Variants in SUFU observed in about 807,000 individuals in gnomAD.
The protein encoded by SUFU is suppressor of fused homolog.
A neutral mutation model predicts 58.9 loss-of-function variants in SUFU; 7 were observed. That is an observed-to-expected ratio of 0.12 (90% CI 0.07 to 0.22). The LOEUF (loss-of-function observed/expected upper bound fraction) is 0.22, where lower values mean the gene tolerates loss of function less well. SUFU is among the 10% of genes least tolerant of loss of function. The probability of loss-of-function intolerance (pLI) is 1.00; values close to 1 mark genes in which losing one functional copy is unlikely to be tolerated. For synonymous variants in SUFU, 232 were observed against 254.8 expected, an observed-to-expected ratio of 0.91 and a Z score of 0.85; for missense variants, 451 against 641.3, an observed-to-expected ratio of 0.70 and a Z score of 3.20.
At chr10:102,510,787 T>C (rs1380678164) in intron 2 of SUFU, among the ~76,000 whole-genome samples, 1 of 151,938 alleles carries the variant, frequency 6.6e-6, no homozygotes, top group Non-Finnish European at 1.5e-5. Context: ...CGTGCCACTG[T>C]GCTCCAGCCT....
At chr10:102,522,433 G>A (rs1041729912) in intron 2 of SUFU, among the ~76,000 whole-genome samples, 2 of 152,086 alleles carry the variant, frequency 1.3e-5, no homozygotes, top group African/African-American at 4.8e-5. Context: ...AATACCACAC[G>A]CCTCCTCCTT....
chr10:102,516,125 C>CTTTTTTTTTTTTTTTT (rs60544094), intron 2 of SUFU, among the ~76,000 whole-genome samples: 44 of 125,524 alleles, frequency 3.5e-4, no homozygotes, highest in East Asian at 6.7e-4. Flanking sequence ...TCTTTCTTTT[C>CTTTTTTTTTTTTTTTT]TTTTTTTTTT....
Position 102,514,560 on chromosome 10 carries a change from A to G in SUFU, c.317+5257A>G, listed in dbSNP as rs777103409. On this transcript the variant is annotated intron_variant, in intron 2 of 11. Transcript: ENST00000369902. ...ACAGGAGAGAACAGAGTGCTTTTCT[A>G]GGAACCCCAAGGCTGCTCCCAACTG... 2.0e-5 allele frequency among the ~76,000 whole-genome samples: 3 copies of G among 152,196 alleles called. No individual in the cohort carries two copies. The East Asian group carries it at 5.8e-4, about 29-fold the overall frequency.
intron 4 of SUFU, among the ~76,000 whole-genome samples, chr10:102,593,061 T>C (rs906436054): frequency 6.6e-6 from 1 of 152,212 alleles, no homozygotes; most frequent in Non-Finnish European, 1.5e-5. Flanking sequence ...CCTTGCTCTT[T>C]GCCAGAAGCT....
intron 8 of SUFU, among the ~76,000 whole-genome samples, chr10:102,603,804 C>CCAAATTCCCTCTAA: frequency 6.6e-6 from 1 of 152,312 alleles, no homozygotes; most frequent in South Asian, 2.1e-4. Flanking sequence ...ATTGGGGTGA[C>CCAAATTCCCTCTAA]TTTGCTCCCT....
intron 8 of SUFU, among the ~76,000 whole-genome samples, chr10:102,609,812 G>A (rs943868289): frequency 6.6e-6 from 1 of 152,180 alleles, no homozygotes; most frequent in Non-Finnish European, 1.5e-5. Flanking sequence ...GAATGGGAGA[G>A]AGGTGTTGGC....
At chr10:102,593,825 C>T in intron 5 of SUFU, 104 bp downstream of exon 5, 3 of 1,411,358 alleles carry the variant, frequency 2.1e-6, no homozygotes, top group Non-Finnish European at 3.0e-6. Context: ...TATTTCAGAC[C>T]CTGGTTTTTC....
At chr10:102,615,147 A>G in intron 8 of SUFU, 121 bp from the exon 9 acceptor site, 11 of 1,441,678 alleles carry the variant, frequency 7.6e-6, no homozygotes, top group East Asian at 2.3e-5. Context: ...GGCTGTCACC[A>G]TCATTATCAT....
intron 3 of SUFU, among the ~76,000 whole-genome samples, chr10:102,550,364 G>C (rs181021715): frequency 6.6e-6 from 1 of 152,148 alleles, no homozygotes; most frequent in Admixed American, 6.5e-5. Flanking sequence ...CACCCTTGTC[G>C]TGTTTCATGG....
intron 2 of SUFU, among the ~76,000 whole-genome samples, chr10:102,516,460 C>T (rs2062471821): frequency 1.3e-5 from 2 of 152,172 alleles, no homozygotes; most frequent in Admixed American, 1.3e-4. Flanking sequence ...TGGATTGTTT[C>T]TTCCTTCATG....
intron 2 of SUFU, among the ~76,000 whole-genome samples, chr10:102,519,268 T>C (rs1039931478): frequency 3.3e-5 from 5 of 151,778 alleles, no homozygotes; most frequent in African/African-American, 1.2e-4. Flanking sequence ...CTCACTCGTG[T>C]AATCCCAGCA....
chr10:102,543,906 T>G (rs538573078), intron 2 of SUFU, among the ~76,000 whole-genome samples: 32 of 152,316 alleles, frequency 2.1e-4, no homozygotes, highest in Non-Finnish European at 4.4e-4. Context: ...TTAAATAGCT[T>G]GCCTCTGGTC....
intron 8 of SUFU, among the ~76,000 whole-genome samples, chr10:102,614,139 T>C (rs1426012577): frequency 2.0e-5 from 3 of 152,214 alleles, no homozygotes; most frequent in African/African-American, 7.2e-5. Flanking sequence ...ACAGAAACTC[T>C]TGGAGCCGCA....
chr10:102,588,634 C>T (rs2063361473), intron 3 of SUFU, among the ~76,000 whole-genome samples: 1 of 152,112 alleles, frequency 6.6e-6, no homozygotes, highest in African/African-American at 2.4e-5. Context: ...AGTTTTGAAT[C>T]CGTTTGTGAA....
intron 2 of SUFU, among the ~76,000 whole-genome samples, chr10:102,541,455 G>A (rs2062798199): frequency 1.3e-5 from 2 of 149,758 alleles, no homozygotes; most frequent in Admixed American, 6.7e-5. Context: ...CTGGAGTGCA[G>A]TGGTGCGATC....
At chr10:102,543,920 C>T (rs1343662722) in intron 2 of SUFU, among the ~76,000 whole-genome samples, 2 of 152,160 alleles carry the variant, frequency 1.3e-5, no homozygotes, top group African/African-American at 4.8e-5. Flanking sequence ...TCTGGTCACA[C>T]AGCCATAAGA....
intron 3 of SUFU, chr10:102,573,010 T>C: frequency 8.3e-7 from 1 of 1,205,152 alleles, no homozygotes. Flanking sequence ...GATAGCATAG[T>C]GGTCAAGCTT....
chr10:102,504,042 G>T lies in SUFU; in HGVS notation c.-111G>T. The T allele has an allele frequency of 3.6e-6, 5 of 1,387,250 alleles. No individual in the cohort carries two copies. Among genetic ancestry groups the T allele is most frequent in the African/African-American group, 1.5e-5 (1 of 68,270 alleles). 85.9% of individuals were successfully genotyped at this position (1,387,250 alleles called of 1,614,324 possible). A position where few individuals can be genotyped will look rare whatever the true frequency, so the allele number is the denominator to read the frequency against. On this transcript the variant is annotated 5_prime_UTR_variant, in exon 1 of 12. Transcript: ENST00000369902. ...AGGCGCGGAGCTAGACCTCGCTGCA[G>T]CCCCCATCGCCTCGGGGAGTCTCAC...
intron 7 of SUFU, 33 bp from the exon 8 acceptor site, chr10:102,599,392 AGCCCACTG>A: frequency 6.8e-7 from 1 of 1,469,578 alleles, no homozygotes; most frequent in South Asian, 1.1e-5. Context: ...AATTGCTGGG[AGCCCACTG>A]GGCCACTGGG....
Sources: gnomAD v4.1 joint callset for allele counts (sites outside exome capture counted in the v4.1 genomes callset) on GRCh38, gnomAD v4.1.1 for gene constraint, MANE v1.5 for transcripts, NCBI Gene and HGNC (gene_info 2026-07-23, HGNC 2026-07-21) for gene names.